PARD3: variants seen among roughly 807,000 people sequenced by gnomAD.
PARD3 encodes the protein par-3 family cell polarity regulator.
Under a neutral mutation model 155.4 loss-of-function variants are expected in PARD3, and 75 were observed. That is an observed-to-expected ratio of 0.48 (90% CI 0.40 to 0.58). The LOEUF is 0.58. Ranked by LOEUF, PARD3 falls within the 20% of genes least tolerant of loss-of-function variation. The probability of loss-of-function intolerance (pLI) is 0.00; values close to 1 mark genes in which losing one functional copy is unlikely to be tolerated. For synonymous variants in PARD3, 576 were observed against 610.5 expected (o/e 0.94, Z 0.83); for missense variants, 1,642 against 1,721.7 (o/e 0.95, Z 0.82).
chr10:34,665,184 A>G (rs1007697390), intron 2 of PARD3, among the ~76,000 whole-genome samples: 5 of 152,208 alleles, frequency 3.3e-5, no homozygotes, highest in Non-Finnish European at 4.4e-5. Flanking sequence ...TTATTAAAAT[A>G]GTAATTCAAA....
At chr10:34,319,290 T>C (rs1958228490) in intron 19 of PARD3, among the ~76,000 whole-genome samples, 1 of 151,662 alleles carries the variant, frequency 6.6e-6, no homozygotes. Context: ...GAATTCACCA[T>C]GTTGGCCAGG....
chr10:34,374,853 A>G, intron 11 of PARD3, 21 bp downstream of exon 11: 2 of 1,611,138 alleles, frequency 1.2e-6, no homozygotes, highest in Non-Finnish European at 1.7e-6. Flanking sequence ...GAAATCTTTC[A>G]TCTACTCTAA....
chr10:34,555,919 T>C (rs955184904), intron 2 of PARD3, among the ~76,000 whole-genome samples: 5 of 152,304 alleles, frequency 3.3e-5, no homozygotes, highest in South Asian at 2.1e-4. Context: ...GTTGGACCCT[T>C]TGATCTAAGT....
chr10:34,215,796 G>A (rs1194546027), intron 22 of PARD3, among the ~76,000 whole-genome samples: 1 of 152,230 alleles, frequency 6.6e-6, no homozygotes, highest in Non-Finnish European at 1.5e-5. Context: ...GCAAAGAAGT[G>A]TGTGTGTCAC....
chr10:34,471,191 C>G lies in PARD3; in HGVS notation c.404-928G>C, dbSNP rs376139193. On this transcript the variant is annotated intron_variant, in intron 3 of 24. Coordinates refer to ENST00000374788, the MANE Select transcript of PARD3 (RefSeq NM_001184785.2). ...ATCTGCAGGTAGTTTCTGTCATATACTCACATATACAATTACACGAAAGGT... is the reference window on the plus strand; with the variant it reads ...ATCTGCAGGTAGTTTCTGTCATATAGTCACATATACAATTACACGAAAGGT... 4.9e-4 allele frequency among the ~76,000 whole-genome samples: 75 copies of G among 152,308 alleles called. No individual in the cohort carries two copies. The South Asian group carries it at 0.013, about 27-fold the overall frequency.
intron 2 of PARD3, among the ~76,000 whole-genome samples, chr10:34,684,200 T>C (rs1339153423): frequency 6.6e-6 from 1 of 152,216 alleles, no homozygotes; most frequent in East Asian, 1.9e-4. Flanking sequence ...AAGTAGAATA[T>C]GGAGTGGACA....
intron 3 of PARD3, among the ~76,000 whole-genome samples, chr10:34,512,809 A>T (rs2081480663): frequency 6.6e-6 from 1 of 152,200 alleles, no homozygotes; most frequent in Admixed American, 6.5e-5. Flanking sequence ...TACTAAGAAT[A>T]CTGGGTACTC....
At chr10:34,172,862 C>T (rs1389454788) in intron 22 of PARD3, among the ~76,000 whole-genome samples, 1 of 151,396 alleles carries the variant, frequency 6.6e-6, no homozygotes, top group Non-Finnish European at 1.5e-5. Flanking sequence ...ACAATATTCA[C>T]TGATTAGAAG....
chr10:34,282,179 T>A (rs1273417725), intron 21 of PARD3, among the ~76,000 whole-genome samples: 1 of 152,000 alleles, frequency 6.6e-6, no homozygotes, highest in African/African-American at 2.4e-5. Flanking sequence ...TCCATAAGTT[T>A]AAATAAAACA....
chr10:34,775,030 C>T (rs1424118499), intron 1 of PARD3, among the ~76,000 whole-genome samples: 3 of 152,078 alleles, frequency 2.0e-5, no homozygotes, highest in Non-Finnish European at 2.9e-5. Flanking sequence ...AAACAAGTGC[C>T]AAACAAATAA....
At position 34,119,475 on chromosome 10, in the gene PARD3, G is replaced by A. The variant is rs554812269; in HGVS notation, c.3668+138C>T. ...CCCACGCTAAGGAACAGTAGCCACGGGACATTTATTGGTTCCTCTGTTGCT... is the reference window on the plus strand; with the variant it reads ...CCCACGCTAAGGAACAGTAGCCACGAGACATTTATTGGTTCCTCTGTTGCT... On this transcript the variant is annotated intron_variant, in intron 24 of 24. Transcript: ENST00000374788. 2.1e-5 allele frequency: 17 copies of A among 817,182 alleles called. No homozygotes were observed. The Admixed American group carries it at 5.0e-4, about 24-fold the overall frequency. 50.6% of individuals were successfully genotyped at this position (817,182 alleles called of 1,614,324 possible).
chr10:34,639,371 A>G (rs1393642238), intron 2 of PARD3, among the ~76,000 whole-genome samples: 1 of 152,012 alleles, frequency 6.6e-6, no homozygotes, highest in Non-Finnish European at 1.5e-5. Flanking sequence ...TCTCAAAAAA[A>G]TAAAAATAAA....
chr10:34,370,896 G>A (rs1222597723), intron 12 of PARD3, among the ~76,000 whole-genome samples: 2 of 151,260 alleles, frequency 1.3e-5, no homozygotes, highest in African/African-American at 4.9e-5. Context: ...CATTTATTTT[G>A]AGATATGGTG....
At chr10:34,500,794 T>G (rs189682200) in intron 3 of PARD3, among the ~76,000 whole-genome samples, 2 of 152,292 alleles carry the variant, frequency 1.3e-5, no homozygotes, top group Admixed American at 6.5e-5. Flanking sequence ...ACGTAACTTG[T>G]GTAACAATAA....
intron 2 of PARD3, among the ~76,000 whole-genome samples, chr10:34,686,418 T>C (rs1287276227): frequency 1.4e-5 from 2 of 141,400 alleles, no homozygotes; most frequent in Non-Finnish European, 3.1e-5. Flanking sequence ...CTTCAGTATG[T>C]ATTAATAAGA....
intron 12 of PARD3, among the ~76,000 whole-genome samples, chr10:34,368,378 G>T (rs1052851260): frequency 3.3e-5 from 5 of 152,110 alleles, no homozygotes; most frequent in Non-Finnish European, 5.9e-5. Flanking sequence ...GACAGGCAAA[G>T]AAGGTGAGAG....
chr10:34,334,260 A>C (rs1169204377), intron 18 of PARD3, among the ~76,000 whole-genome samples: 1 of 150,892 alleles, frequency 6.6e-6, no homozygotes, highest in Non-Finnish European at 1.5e-5. Context: ...CAAGATTCCT[A>C]AATATGGAAA....
chr10:34,616,857 C>T (rs2091287493), intron 2 of PARD3, among the ~76,000 whole-genome samples: 1 of 147,284 alleles, frequency 6.8e-6, no homozygotes, highest in Non-Finnish European at 1.5e-5. Context: ...AACATATGAG[C>T]ATGGGAGGTG....
intron 1 of PARD3, among the ~76,000 whole-genome samples, chr10:34,762,371 G>A (rs1046846511): frequency 1.3e-5 from 2 of 151,312 alleles, no homozygotes; most frequent in African/African-American, 4.9e-5. Context: ...ACAACTCACT[G>A]CAGACTCAAC....
Sources: allele counts gnomAD v4.1 joint callset (sites outside exome capture counted in the v4.1 genomes callset), GRCh38; gene constraint gnomAD v4.1.1; transcripts MANE v1.5; gene names NCBI Gene and HGNC (gene_info 2026-07-23, HGNC 2026-07-21).